PIP4P2: variants seen among roughly 807,000 people sequenced by gnomAD.
The protein encoded by PIP4P2 is type 2 phosphatidylinositol 4,5-bisphosphate 4-phosphatase.
In PIP4P2, 19 loss-of-function variants were observed where a neutral mutation model predicts 33.3. That is an observed-to-expected ratio of 0.57 (90% confidence interval 0.40 to 0.84). The LOEUF is 0.84. Among genes scored for constraint, PIP4P2 ranks in the 40% least tolerant of loss-of-function variants. The pLI, the probability that PIP4P2 is intolerant of heterozygous loss-of-function variation, is 0.00. For missense variants in PIP4P2, 270 were observed against 324.7 expected, an observed-to-expected ratio of 0.83 and a Z score of 1.29; for synonymous variants, 110 against 111.9, an observed-to-expected ratio of 0.98 and a Z score of 0.11.
At chr8:91,035,194 T>G (rs1812218749) in intron 1 of PIP4P2, among the ~76,000 whole-genome samples, 1 of 152,190 alleles carries the variant, frequency 6.6e-6, no homozygotes, top group African/African-American at 2.4e-5. Flanking sequence ...AACACAATTA[T>G]GACAATTACG....
intron 5 of PIP4P2, 89 bp from the exon 6 acceptor site, chr8:90,996,833 G>A: frequency 2.0e-6 from 2 of 1,018,114 alleles, no homozygotes; most frequent in Non-Finnish European, 2.9e-6. Context: ...TATGGCTTTA[G>A]TAATATTATA....
chr8:91,024,010 G>A (rs751288440), intron 1 of PIP4P2, among the ~76,000 whole-genome samples: 13 of 152,004 alleles, frequency 8.6e-5, no homozygotes, highest in Non-Finnish European at 1.8e-4. Flanking sequence ...GGGGAGTGCA[G>A]CTTGATGGAA....
At chr8:91,024,534 T>C (rs1004360809) in intron 1 of PIP4P2, among the ~76,000 whole-genome samples, 1 of 152,132 alleles carries the variant, frequency 6.6e-6, no homozygotes, top group African/African-American at 2.4e-5. Context: ...AGTGATCTTC[T>C]CACCTCAGCT....
intron 1 of PIP4P2, among the ~76,000 whole-genome samples, chr8:91,030,367 G>A (rs1431064440): frequency 6.6e-6 from 1 of 152,036 alleles, no homozygotes; most frequent in Non-Finnish European, 1.5e-5. Flanking sequence ...ATCTTTATAG[G>A]CTGGAGTAAT....
intron 1 of PIP4P2, among the ~76,000 whole-genome samples, chr8:91,034,583 C>T (rs1563569990): frequency 1.3e-5 from 2 of 152,182 alleles, no homozygotes; most frequent in Admixed American, 6.5e-5. Context: ...CAAGGCCCTG[C>T]TTGCTCAGTA....
chr8:91,037,276 T>C (rs1812244301), intron 1 of PIP4P2, among the ~76,000 whole-genome samples: 1 of 152,166 alleles, frequency 6.6e-6, no homozygotes, highest in Non-Finnish European at 1.5e-5. Context: ...TACTGCTGTT[T>C]CCATTTTAGC....
At chr8:91,006,171 G>T (rs1242967138) in intron 5 of PIP4P2, among the ~76,000 whole-genome samples, 1 of 152,172 alleles carries the variant, frequency 6.6e-6, no homozygotes, top group East Asian at 1.9e-4. Flanking sequence ...CCATCATTTT[G>T]CTCTGAAGGA....
chr8:91,032,331 T>C (rs886947622), intron 1 of PIP4P2, among the ~76,000 whole-genome samples: 6 of 152,110 alleles, frequency 3.9e-5, no homozygotes, highest in African/African-American at 7.2e-5. Context: ...AAAAGCAACA[T>C]AAACTCCTTT....
chr8:91,004,789 C>T (rs984231136), intron 5 of PIP4P2, among the ~76,000 whole-genome samples: 3 of 151,994 alleles, frequency 2.0e-5, no homozygotes, highest in Admixed American at 6.6e-5. Flanking sequence ...AGAGAATTCA[C>T]AGATAGCCTC....
At chr8:91,024,016 T>C (rs532160157) in intron 1 of PIP4P2, among the ~76,000 whole-genome samples, 8 of 152,156 alleles carry the variant, frequency 5.3e-5, no homozygotes, top group African/African-American at 1.7e-4. Context: ...TGCAGCTTGA[T>C]GGAAAACAAG....
intron 3 of PIP4P2, among the ~76,000 whole-genome samples, chr8:91,019,326 A>T (rs1811965890): frequency 7.1e-6 from 1 of 140,850 alleles, no homozygotes; most frequent in South Asian, 2.3e-4. Flanking sequence ...CTGTAATCCC[A>T]GCACTTTGGG....
Position 91,008,039 on chromosome 8 carries a change from A to C in PIP4P2, c.539+704T>G, listed in dbSNP as rs1038078211. ...CCTAGTTTCCTCCAGACTTTGCTCCATCTGCCTTTTCCTTTTGCTGATTCT... is the reference window on the plus strand; with the variant it reads ...CCTAGTTTCCTCCAGACTTTGCTCCCTCTGCCTTTTCCTTTTGCTGATTCT... On this transcript the variant is annotated intron_variant, in intron 5 of 6. Coordinates refer to ENST00000285419, the MANE Select transcript of PIP4P2 (RefSeq NM_018710.3). Among the ~76,000 whole-genome samples the C allele has an allele frequency of 2.6e-5, 4 of 152,112 alleles. No individual in the cohort carries two copies. The South Asian group carries it at 6.2e-4, about 24-fold the overall frequency.
intron 1 of PIP4P2, among the ~76,000 whole-genome samples, chr8:91,026,520 A>G (rs1231270809): frequency 7.9e-5 from 12 of 151,954 alleles, no homozygotes; most frequent in Admixed American, 7.9e-4. Context: ...AGTAAGTCCA[A>G]TCTCTTCCCT....
At chr8:91,000,105 A>G (rs1052189314) in intron 5 of PIP4P2, among the ~76,000 whole-genome samples, 4 of 152,036 alleles carry the variant, frequency 2.6e-5, no homozygotes, top group African/African-American at 9.7e-5. Flanking sequence ...TGTTTTAAAA[A>G]CTAAAGTCAA....
At chr8:91,028,394 T>C (rs993259449) in intron 1 of PIP4P2, among the ~76,000 whole-genome samples, 2 of 152,162 alleles carry the variant, frequency 1.3e-5, no homozygotes, top group Admixed American at 6.5e-5. Context: ...TACAAGACTG[T>C]GTACTGGGGA....
chr8:91,013,334 A>G (rs545719258), intron 4 of PIP4P2, among the ~76,000 whole-genome samples: 3 of 152,322 alleles, frequency 2.0e-5, no homozygotes, highest in African/African-American at 7.2e-5. Flanking sequence ...AAAGAATGCA[A>G]GGTAGCTGTA....
At position 91,028,642 on chromosome 8, in the gene PIP4P2, T is replaced by C. The variant is rs1051100707; in HGVS notation, c.107-7238A>G. Among the ~76,000 whole-genome samples the C allele has an allele frequency of 2.6e-5, 4 of 152,236 alleles. No individual in the cohort carries two copies. In the South Asian group the frequency reaches 6.2e-4, roughly 24 times the overall value. On this transcript the variant is annotated intron_variant, in intron 1 of 6. Transcript: ENST00000285419. ...ATTGCCAACTTTGTTCCCTGGCCCA[T>C]AGGTTAATATAGGAATGGCCAAGTG...
chr8:91,005,927 T>A (rs1811757197), intron 5 of PIP4P2, among the ~76,000 whole-genome samples: 1 of 152,184 alleles, frequency 6.6e-6, no homozygotes, highest in South Asian at 2.1e-4. Context: ...ACATCACCTT[T>A]AGCTACCATA....
chr8:91,022,721 A>G (rs1812028706), intron 1 of PIP4P2, among the ~76,000 whole-genome samples: 1 of 152,222 alleles, frequency 6.6e-6, no homozygotes, highest in South Asian at 2.1e-4. Context: ...ACATTTTGGT[A>G]TGTTTAAAAT....
Sources: allele counts gnomAD v4.1 joint callset (sites outside exome capture counted in the v4.1 genomes callset), GRCh38; gene constraint gnomAD v4.1.1; transcripts MANE v1.5; gene names NCBI Gene and HGNC (gene_info 2026-07-23, HGNC 2026-07-21).